The following SYT10 variants were observed in gnomAD, a reference collection of about 807,000 sequenced individuals.
SYT10 encodes the protein synaptotagmin 10, also known as synaptotagmin-10.
SYT10 carries 31 observed loss-of-function variants against 51.1 expected under a neutral mutation model. The observed-to-expected ratio is 0.61, with a 90% CI of 0.46 to 0.82. The LOEUF is 0.82. SYT10 is among the 40% of genes least tolerant of loss of function. The probability of loss-of-function intolerance (pLI) is 0.00; values close to 1 mark genes in which losing one functional copy is unlikely to be tolerated. For synonymous variants in SYT10, 233 were observed against 225.9 expected (o/e 1.03, Z -0.28); for missense variants, 603 against 634.0 (o/e 0.95, Z 0.53).
chr12:33,427,484 A>G (rs1463818268), intron 1 of SYT10, among the ~76,000 whole-genome samples: 3 of 152,194 alleles, frequency 2.0e-5, no homozygotes, highest in Non-Finnish European at 4.4e-5. Flanking sequence ...TCAAGATTCC[A>G]TCATAATTAC....
chr12:33,378,016 C>T (rs1213957767), intron 6 of SYT10, among the ~76,000 whole-genome samples: 3 of 152,120 alleles, frequency 2.0e-5, no homozygotes, highest in African/African-American at 7.2e-5. Context: ...CATATTTATG[C>T]TTTCTGTGAC....
At position 33,379,899 on chromosome 12, in the gene SYT10, C is replaced by T. The variant is rs759867053; in HGVS notation, c.1433G>A (p.Arg478Gln). ...GGCCAGCATTTCATTCCAGTGGTCTCGCCCAAGACCCTCAGCATCCAGTCC... is the reference window on the plus strand; with the variant it reads ...GGCCAGCATTTCATTCCAGTGGTCTTGCCCAAGACCCTCAGCATCCAGTCC... ...RTGLDAEGLG[R>Q]DHWNEMLAYH... Residue 478 changes from arginine (R) to glutamine (Q), a missense_variant, in exon 6 of 7, where the codon CGA becomes CAA. Transcript: ENST00000228567. 18 of 1,613,822 alleles carry T rather than the reference C, an allele frequency of 1.1e-5. No homozygotes were observed. The East Asian group carries it at 1.3e-4, about 12-fold the overall frequency.
chr12:33,433,105 C>A (rs762191611), intron 1 of SYT10, among the ~76,000 whole-genome samples: 2 of 152,042 alleles, frequency 1.3e-5, no homozygotes, highest in Non-Finnish European at 2.9e-5. Flanking sequence ...ATAAAAGAAG[C>A]CATCTCTTTA....
intron 1 of SYT10, 43 bp downstream of exon 1, chr12:33,439,329 T>C: frequency 1.3e-6 from 2 of 1,586,180 alleles, no homozygotes; most frequent in Non-Finnish European, 1.7e-6. Flanking sequence ...GCGCGCGGGG[T>C]CCCAGCGGAG....
intron 2 of SYT10, among the ~76,000 whole-genome samples, chr12:33,417,837 A>C (rs1019710614): frequency 2.0e-5 from 3 of 152,218 alleles, no homozygotes; most frequent in African/African-American, 7.2e-5. Flanking sequence ...TGACCATGGA[A>C]TTGAAACTAA....
intron 3 of SYT10, among the ~76,000 whole-genome samples, chr12:33,394,597 T>A (rs1222130206): frequency 6.6e-6 from 1 of 152,232 alleles, no homozygotes; most frequent in Admixed American, 6.5e-5. Flanking sequence ...TTATCTAATT[T>A]TACTTTCAAA....
intron 3 of SYT10, among the ~76,000 whole-genome samples, chr12:33,385,679 C>G (rs554904907): frequency 1.3e-5 from 2 of 152,314 alleles, no homozygotes; most frequent in East Asian, 3.9e-4. Context: ...CTATGAGCAA[C>G]CCATGGGCAA....
chr12:33,432,946 A>C (rs1866608904), intron 1 of SYT10: 1 of 152,130 alleles, frequency 6.6e-6, no homozygotes, highest in African/African-American at 2.4e-5. Context: ...AAAGAGTTTT[A>C]TTAATTTCTG....
intron 4 of SYT10, 71 bp downstream of exon 4, chr12:33,385,100 T>C: frequency 1.9e-6 from 3 of 1,564,664 alleles, no homozygotes; most frequent in Admixed American, 1.8e-5. Flanking sequence ...AGTAGTCATG[T>C]ATCATTTTTA....
chr12:33,393,882 G>A (rs1264284018), intron 3 of SYT10, among the ~76,000 whole-genome samples: 2 of 152,114 alleles, frequency 1.3e-5, no homozygotes, highest in Non-Finnish European at 2.9e-5. Context: ...TGTGCATATT[G>A]TATATTTCCT....
intron 6 of SYT10, among the ~76,000 whole-genome samples, chr12:33,377,873 C>T (rs1714237374): frequency 6.6e-6 from 1 of 152,108 alleles, no homozygotes; most frequent in East Asian, 1.9e-4. Flanking sequence ...AGTGATCCAC[C>T]CGCCTCAGCC....
At chr12:33,436,879 A>G (rs532723363) in intron 1 of SYT10, among the ~76,000 whole-genome samples, 4 of 152,270 alleles carry the variant, frequency 2.6e-5, no homozygotes, top group Admixed American at 1.3e-4. Flanking sequence ...GTGCCATTCA[A>G]CATTGTTGAT....
intron 3 of SYT10, among the ~76,000 whole-genome samples, chr12:33,403,090 C>A (rs1037324515): frequency 1.3e-5 from 2 of 151,690 alleles, no homozygotes; most frequent in African/African-American, 2.4e-5. Flanking sequence ...TGGAGATTTG[C>A]AATTATACAA....
chr12:33,417,289 A>G lies in SYT10; in HGVS notation c.509+8849T>C, dbSNP rs140166346. Among the ~76,000 whole-genome samples, 501 of 152,156 alleles carry G rather than the reference A, an allele frequency of 3.3e-3. 1 individual carries two copies. The highest frequency in any genetic ancestry group is 0.012 in the African/African-American group (478 of 41,498). ...AATCAATGGATTAATGAGTTAATAG[A>G]TTTGTGGATGATCTCGGGAGTGGAG... On this transcript the variant is annotated intron_variant, in intron 2 of 6. Coordinates refer to ENST00000228567, the MANE Select transcript of SYT10 (RefSeq NM_198992.4).
chr12:33,413,268 T>A (rs1866423793), intron 2 of SYT10, among the ~76,000 whole-genome samples: 1 of 152,228 alleles, frequency 6.6e-6, no homozygotes, highest in African/African-American at 2.4e-5. Context: ...TGCTGGATAT[T>A]ATCCAGGAGA....
intron 2 of SYT10, among the ~76,000 whole-genome samples, chr12:33,421,777 A>C (rs895745460): frequency 1.3e-5 from 2 of 152,162 alleles, no homozygotes; most frequent in Non-Finnish European, 2.9e-5. Flanking sequence ...TTTAAATAAT[A>C]AAGGATAATA....
At chr12:33,409,241 G>A (rs564816372) in intron 2 of SYT10, among the ~76,000 whole-genome samples, 10 of 151,990 alleles carry the variant, frequency 6.6e-5, no homozygotes, top group African/African-American at 7.2e-5. Flanking sequence ...TTTCGAAATG[G>A]GTTCTCACTC....
At chr12:33,400,460 A>G (rs2138407403) in intron 3 of SYT10, among the ~76,000 whole-genome samples, 1 of 152,256 alleles carries the variant, frequency 6.6e-6, no homozygotes, top group Non-Finnish European at 1.5e-5. Flanking sequence ...ACAATACCTG[A>G]CAGATGCTTA....
chr12:33,379,580 A>AAAAAAATT (rs1565489643), intron 6 of SYT10, among the ~76,000 whole-genome samples: 15 of 115,324 alleles, frequency 1.3e-4, no homozygotes, highest in Admixed American at 1.7e-4. Context: ...AAAAAAAAAA[A>AAAAAAATT]GAGACTTGCA....
Sources: gnomAD v4.1 joint callset for allele counts (sites outside exome capture counted in the v4.1 genomes callset) on GRCh38, gnomAD v4.1.1 for gene constraint, MANE v1.5 for transcripts, NCBI Gene and HGNC (gene_info 2026-07-23, HGNC 2026-07-21) for gene names.